APOLD1: variants seen among roughly 807,000 people sequenced by gnomAD.
APOLD1 encodes the protein apolipoprotein L domain-containing protein 1.
APOLD1 carries 22 observed loss-of-function variants against 15.3 expected under a neutral mutation model. The observed-to-expected ratio is 1.44, with a 90% CI of 1.03 to 2.05. The LOEUF is 2.05. APOLD1 is among the 30% of genes most tolerant of loss of function. The pLI is 0.00. For synonymous variants in APOLD1, 190 were observed against 167.4 expected, an observed-to-expected ratio of 1.13 and a Z score of -1.04; for missense variants, 394 against 353.5, an observed-to-expected ratio of 1.11 and a Z score of -0.92.
chr12:12,780,314 G>A (rs1207654800), intron 1 of APOLD1, among the ~76,000 whole-genome samples: 3 of 149,456 alleles, frequency 2.0e-5, no homozygotes, highest in Non-Finnish European at 4.4e-5. Flanking sequence ...GTGTGATCTC[G>A]GCTCACTGCA....
chr12:12,771,357 G>T (rs1946985575), intron 1 of APOLD1: 3 of 280,298 alleles, frequency 1.1e-5, no homozygotes, highest in Admixed American at 5.1e-5. Context: ...CCATCAGTTT[G>T]TTGGCCAGAC....
intron 1 of APOLD1, among the ~76,000 whole-genome samples, chr12:12,769,089 G>A (rs1400551041): frequency 2.6e-5 from 4 of 151,804 alleles, no homozygotes; most frequent in Non-Finnish European, 4.4e-5. Context: ...TTAGCCAGTC[G>A]TGGTGGCACA....
intron 1 of APOLD1, among the ~76,000 whole-genome samples, chr12:12,774,957 C>A (rs565445878): frequency 6.6e-6 from 1 of 152,232 alleles, no homozygotes; most frequent in African/African-American, 2.4e-5. Flanking sequence ...TGGTATTTAC[C>A]CAAAGGAATT....
chr12:12,730,573 GGA>G (rs1565424485), intron 1 of APOLD1, among the ~76,000 whole-genome samples: 1 of 149,602 alleles, frequency 6.7e-6, no homozygotes, highest in Non-Finnish European at 1.5e-5. Context: ...CCCAGCTACT[GGA>G]GAGGCTGAGG....
At chr12:12,764,817 G>C (rs370157845) in intron 1 of APOLD1, 1 of 360,478 alleles carries the variant, frequency 2.8e-6, no homozygotes, top group African/African-American at 2.1e-5. Flanking sequence ...GAAGGCCACA[G>C]CATGGTATGG....
chr12:12,731,002 G>A lies in APOLD1; in HGVS notation c.96+4906G>A, dbSNP rs181520523. 3.9e-3 allele frequency among the ~76,000 whole-genome samples: 598 copies of A among 152,128 alleles called. 3 individuals are homozygous for A. The highest frequency in any genetic ancestry group is 7.2e-3 in the Non-Finnish European group (491 of 68,000). ...TAAAAATAAAAAAAATTAGCCGGGCGTGGTGGCGGGCGCCTGTAGTCCCAG... is the reference window on the plus strand; with the variant it reads ...TAAAAATAAAAAAAATTAGCCGGGCATGGTGGCGGGCGCCTGTAGTCCCAG... On this transcript the variant is annotated intron_variant, in intron 1 of 1. Coordinates refer to the APOLD1 transcript ENST00000326765.
upstream of APOLD1, among the ~76,000 whole-genome samples, chr12:12,782,633 C>A (rs1947090371): frequency 6.6e-6 from 1 of 152,162 alleles, no homozygotes; most frequent in Non-Finnish European, 1.5e-5. Context: ...TGCCATTGCA[C>A]TCCCACTTGA....
intron 1 of APOLD1, among the ~76,000 whole-genome samples, chr12:12,761,975 A>G (rs1193478547): frequency 1.3e-5 from 2 of 152,028 alleles, no homozygotes; most frequent in Non-Finnish European, 2.9e-5. Flanking sequence ...AGCTGGGACT[A>G]CAGGTGTGCA....
chr12:12,727,760 C>CTT lies in APOLD1; in HGVS notation c.96+1681_96+1682dup, dbSNP rs34995291. The stretch of plus-strand genomic sequence containing the variant: ...TGCAATTACATGTGTGCTCTGAAAC[C>CTT]TTTTTTTTTTTTTTTTTTAACTTTG... On this transcript the variant is annotated intron_variant, in intron 1 of 1. Transcript: ENST00000326765. 3.8e-4 allele frequency among the ~76,000 whole-genome samples: 52 copies of CTT among 137,954 alleles called. 1 individual carries two copies. The highest frequency in any genetic ancestry group is 2.7e-3 in the Admixed American group (37 of 13,776). 90.5% of individuals were successfully genotyped at this position (137,954 alleles called of 152,430 possible). A position where few individuals can be genotyped will look rare whatever the true frequency, so the allele number is the denominator to read the frequency against.
At chr12:12,768,238 C>T (rs1043513550) in intron 1 of APOLD1, among the ~76,000 whole-genome samples, 4 of 152,050 alleles carry the variant, frequency 2.6e-5, no homozygotes, top group African/African-American at 9.7e-5. Flanking sequence ...AAAATAGTTA[C>T]TGGCTTGAAA....
At chr12:12,755,579 C>T (rs1034555734) in intron 1 of APOLD1, among the ~76,000 whole-genome samples, 4 of 152,058 alleles carry the variant, frequency 2.6e-5, no homozygotes, top group African/African-American at 9.7e-5. Flanking sequence ...GGTGGCTCAC[C>T]CTTGTAATCC....
rs2136404974 is a variant in APOLD1, at chr12:12,790,126, C to T, written c.*2474C>T. ...TCAAGCAATTCTTCTGCCTCAGCCTCCTGAGTAGCTGGGATTACAGATGTG... is the reference window on the plus strand; with the variant it reads ...TCAAGCAATTCTTCTGCCTCAGCCTTCTGAGTAGCTGGGATTACAGATGTG... On this transcript the variant is annotated 3_prime_UTR_variant, in exon 2 of 2. Transcript: ENST00000356591. The T allele has an allele frequency of 6.6e-6, 1 of 151,790 alleles. No individual in the cohort carries two copies. 9.4% of individuals were successfully genotyped at this position (151,790 alleles called of 1,614,324 possible). A position where few individuals can be genotyped will look rare whatever the true frequency, so the allele number is the denominator to read the frequency against.
At chr12:12,766,714 T>G (rs1946945371) in intron 1 of APOLD1, among the ~76,000 whole-genome samples, 1 of 152,048 alleles carries the variant, frequency 6.6e-6, no homozygotes, top group African/African-American at 2.4e-5. Flanking sequence ...CTGAGTGTGG[T>G]GGCACGTGCC....
At position 12,789,044 on chromosome 12, in the gene APOLD1, C is replaced by T. The variant is rs1010146813; in HGVS notation, c.*1392C>T. On this transcript the variant is annotated 3_prime_UTR_variant, in exon 2 of 2. Coordinates refer to ENST00000356591, the MANE Select transcript of APOLD1 (RefSeq NM_030817.3). ...AGGAATATGAAGTTCCTGAAACTGACCTTTGTCTATTATTACCTTCTCTGA... is the reference window on the plus strand; with the variant it reads ...AGGAATATGAAGTTCCTGAAACTGATCTTTGTCTATTATTACCTTCTCTGA... 28 of 148,896 alleles carry T rather than the reference C, an allele frequency of 1.9e-4. No homozygotes were observed. 9.2% of individuals were successfully genotyped at this position (148,896 alleles called of 1,614,324 possible). A position where few individuals can be genotyped will look rare whatever the true frequency, so the allele number is the denominator to read the frequency against.
chr12:12,785,740 A>C, intron 1 of APOLD1, 46 bp downstream of exon 1: 1 of 1,583,350 alleles, frequency 6.3e-7, no homozygotes, highest in South Asian at 1.1e-5. Flanking sequence ...ACTTTTTCTC[A>C]TTTTCTCTTT....
chr12:12,736,886 C>T (rs1946690837), intron 1 of APOLD1, among the ~76,000 whole-genome samples: 1 of 152,128 alleles, frequency 6.6e-6, no homozygotes, highest in Admixed American at 6.6e-5. Context: ...ACCAGAGATC[C>T]GAAGAAGTGG....
chr12:12,760,498 G>A (rs1946889863), intron 1 of APOLD1, among the ~76,000 whole-genome samples: 1 of 151,750 alleles, frequency 6.6e-6, no homozygotes, highest in Non-Finnish European at 1.5e-5. Context: ...AATTAGCCGG[G>A]CGTGGTTCTG....
chr12:12,749,764 T>C (rs931959280), intron 1 of APOLD1, among the ~76,000 whole-genome samples: 4 of 152,224 alleles, frequency 2.6e-5, no homozygotes, highest in African/African-American at 9.6e-5. Flanking sequence ...TTTGAGCCGC[T>C]GCTCAGGCCG....
At chr12:12,785,081 G>A (rs1350667790), upstream of APOLD1, among the ~76,000 whole-genome samples, 2 of 152,200 alleles carry the variant, frequency 1.3e-5, no homozygotes, top group African/African-American at 4.8e-5. Context: ...CACAGCTGGA[G>A]ATGCCCAAAA....
Sources: allele counts gnomAD v4.1 joint callset (sites outside exome capture counted in the v4.1 genomes callset), GRCh38; gene constraint gnomAD v4.1.1; transcripts MANE v1.5; gene names NCBI Gene and HGNC (gene_info 2026-07-23, HGNC 2026-07-21).